KCNIP4: variants seen among roughly 807,000 people sequenced by gnomAD.
KCNIP4 encodes the protein potassium voltage-gated channel interacting protein 4, also known as Kv channel-interacting protein 4.
In KCNIP4, 12 loss-of-function variants were observed where a neutral mutation model predicts 34.0. That is an observed-to-expected ratio of 0.35 (90% confidence interval 0.23 to 0.57). The LOEUF is 0.57. Among genes scored for constraint, KCNIP4 ranks in the 20% least tolerant of loss-of-function variants. The pLI, the probability that KCNIP4 is intolerant of heterozygous loss-of-function variation, is 0.83. For synonymous variants in KCNIP4, 124 were observed against 102.2 expected, an observed-to-expected ratio of 1.21 and a Z score of -1.29; for missense variants, 238 against 311.7, an observed-to-expected ratio of 0.76 and a Z score of 1.78.
In KCNIP4 at chr4:20,781,313, A is replaced by C. The variant is rs533764277; in HGVS notation, c.289-22423T>G. The stretch of plus-strand genomic sequence containing the variant: ...TTCACTAGATCTCTATTAAATCCCT[A>C]CTGTAAGCCAGGTACAAATAAATGA... On this transcript the variant is annotated intron_variant, in intron 3 of 8. Coordinates refer to ENST00000382152, the MANE Select transcript of KCNIP4 (RefSeq NM_025221.6). Among the ~76,000 whole-genome samples the C allele has an allele frequency of 1.2e-3, 184 of 152,330 alleles. 1 individual carries two copies. The highest frequency in any genetic ancestry group is 2.0e-3 in the Admixed American group (30 of 15,300).
At chr4:21,848,944 A>ATGTGTGTG (rs199564603) in intron 1 of KCNIP4, 126 of 57,362 alleles carry the variant, frequency 2.2e-3, no homozygotes, top group African/African-American at 7.4e-3. Flanking sequence ...TGATATACAT[A>ATGTGTGTG]TATGTGTGTG....
intron 1 of KCNIP4, among the ~76,000 whole-genome samples, chr4:21,428,945 T>C (rs1381130077): frequency 6.6e-6 from 1 of 152,184 alleles, no homozygotes; most frequent in Non-Finnish European, 1.5e-5. Flanking sequence ...CACAATGGTA[T>C]ACTGGTTACA....
chr4:21,382,925 T>C (rs936890869), intron 1 of KCNIP4, among the ~76,000 whole-genome samples: 8 of 152,210 alleles, frequency 5.3e-5, no homozygotes, highest in African/African-American at 1.9e-4. Context: ...CCAAAATTCA[T>C]ATGTTGAAGT....
intron 1 of KCNIP4, among the ~76,000 whole-genome samples, chr4:21,211,831 A>T (rs1251771914): frequency 6.6e-6 from 1 of 151,934 alleles, no homozygotes. Flanking sequence ...TGCCCAAATC[A>T]GGGCATAAAT....
intron 1 of KCNIP4, among the ~76,000 whole-genome samples, chr4:21,567,645 C>A (rs1398159112): frequency 6.6e-6 from 1 of 152,100 alleles, no homozygotes; most frequent in Admixed American, 6.5e-5. Context: ...CCAGGGAAAG[C>A]AAAGATAACT....
At chr4:21,765,819 G>GGA (rs1718371901) in intron 1 of KCNIP4, among the ~76,000 whole-genome samples, 1 of 95,106 alleles carries the variant, frequency 1.1e-5, no homozygotes, top group Non-Finnish European at 2.2e-5. Flanking sequence ...ACCAGGCCGT[G>GGA]AAAAAAAAAA....
chr4:21,579,301 C>T (rs373920977), intron 1 of KCNIP4, among the ~76,000 whole-genome samples: 3 of 152,032 alleles, frequency 2.0e-5, no homozygotes, highest in Admixed American at 6.6e-5. Flanking sequence ...GATGAGCCTA[C>T]GAGTTCATCC....
chr4:20,815,614 A>G (rs1016256658), intron 3 of KCNIP4, among the ~76,000 whole-genome samples: 3 of 152,246 alleles, frequency 2.0e-5, no homozygotes, highest in Non-Finnish European at 4.4e-5. Context: ...TACCTGTTAC[A>G]TTAATCAAAA....
chr4:21,687,542 T>A (rs1750908826), intron 1 of KCNIP4, among the ~76,000 whole-genome samples: 1 of 152,196 alleles, frequency 6.6e-6, no homozygotes, highest in East Asian at 1.9e-4. Flanking sequence ...ATAATTATTT[T>A]AAAAAGTTTA....
intron 1 of KCNIP4, among the ~76,000 whole-genome samples, chr4:21,200,817 A>T (rs185329027): frequency 0.021 from 3,162 of 150,444 alleles, 52 homozygotes; most frequent in South Asian, 0.033. Context: ...TTTTTTTTTT[A>T]AAAAAAGCAT....
intron 1 of KCNIP4, among the ~76,000 whole-genome samples, chr4:21,297,291 C>A: frequency 6.6e-6 from 1 of 151,940 alleles, no homozygotes; most frequent in East Asian, 1.9e-4. Context: ...GGTAATGGCT[C>A]AGTATTACTA....
intron 1 of KCNIP4, among the ~76,000 whole-genome samples, chr4:21,317,076 A>G (rs116250862): frequency 0.015 from 2,359 of 152,266 alleles, 57 homozygotes; most frequent in East Asian, 0.056. Flanking sequence ...TTAGGTGGCC[A>G]TTCAGGAGAT....
chr4:21,028,555 A>G (rs780586934), intron 1 of KCNIP4, among the ~76,000 whole-genome samples: 6 of 152,222 alleles, frequency 3.9e-5, no homozygotes, highest in Non-Finnish European at 8.8e-5. Context: ...TCCCAGAGGC[A>G]GTTAGTGAGA....
chr4:21,759,182 T>A (rs1717879284), intron 1 of KCNIP4, among the ~76,000 whole-genome samples: 1 of 152,186 alleles, frequency 6.6e-6, no homozygotes. Flanking sequence ...AACAATTATG[T>A]GAACCATTTT....
intron 3 of KCNIP4, among the ~76,000 whole-genome samples, chr4:20,841,954 A>G (rs1224555390): frequency 6.6e-6 from 1 of 152,062 alleles, no homozygotes; most frequent in South Asian, 2.1e-4. Flanking sequence ...TTGCAGATAC[A>G]ATGCAATGCC....
intron 1 of KCNIP4, among the ~76,000 whole-genome samples, chr4:21,073,653 C>G (rs1342157430): frequency 2.6e-5 from 4 of 152,176 alleles, no homozygotes; most frequent in East Asian, 3.9e-4. Context: ...GATTGCCCTG[C>G]CCAGAACTTC....
intron 1 of KCNIP4, among the ~76,000 whole-genome samples, chr4:21,546,260 G>T (rs1380816): frequency 0.057 from 8,629 of 152,082 alleles, 489 homozygotes; most frequent in Admixed American, 0.16. Flanking sequence ...AAGGGTGAGG[G>T]GTTATTGGGG....
intron 1 of KCNIP4, among the ~76,000 whole-genome samples, chr4:21,934,715 C>G (rs905382225): frequency 6.6e-6 from 1 of 152,032 alleles, no homozygotes; most frequent in Non-Finnish European, 1.5e-5. Context: ...CTTCCCTGTC[C>G]AGGCAGGACA....
At chr4:21,208,171 T>A (rs1756982753) in intron 1 of KCNIP4, among the ~76,000 whole-genome samples, 1 of 152,182 alleles carries the variant, frequency 6.6e-6, no homozygotes, top group African/African-American at 2.4e-5. Flanking sequence ...TTGAAATAGA[T>A]CAAGTTTTTT....
Sources: allele counts gnomAD v4.1 joint callset (sites outside exome capture counted in the v4.1 genomes callset), GRCh38; gene constraint gnomAD v4.1.1; transcripts MANE v1.5; gene names NCBI Gene and HGNC (gene_info 2026-07-23, HGNC 2026-07-21).